HDX: variants seen among roughly 807,000 people sequenced by gnomAD.
HDX encodes the protein highly divergent homeobox, also known as chromosome X open reading frame 43.
HDX carries 19 observed loss-of-function variants against 45.2 expected under a neutral mutation model. The ratio of observed to expected loss-of-function variants is 0.42; its 90% CI spans 0.29 to 0.62. HDX has a LOEUF of 0.62. Among genes scored for constraint, HDX ranks in the 20% least tolerant of loss-of-function variants. HDX has a pLI of 0.20. For missense variants in HDX, 532 were observed against 493.9 expected (o/e 1.08, Z -0.73); for synonymous variants, 188 against 172.8 (o/e 1.09, Z -0.69).
intron 2 of HDX, 112 bp from the exon 3 acceptor site, chrX:84,475,509 T>C (rs2040529286): frequency 6.6e-6 from 3 of 453,033 alleles, no homozygotes; most frequent in Non-Finnish European, 1.1e-5. Context: ...TAAACTTCTG[T>C]AAGTGAATTA....
chrX:84,422,676 T>TG (rs1445962172), intron 5 of HDX, among the ~76,000 whole-genome samples: 1 of 90,292 alleles, frequency 1.1e-5, no homozygotes, highest in East Asian at 3.5e-4. Flanking sequence ...TTTTTTTTTT[T>TG]TTTTTTTTTT....
intron 4 of HDX, among the ~76,000 whole-genome samples, chrX:84,458,408 A>T (rs1318390720): frequency 8.9e-6 from 1 of 112,160 alleles, no homozygotes; most frequent in African/African-American, 3.2e-5. Context: ...ATGAACATTA[A>T]AACCGGTTGT....
chrX:84,394,568 G>A (rs1041084860), intron 5 of HDX, among the ~76,000 whole-genome samples: 2 of 111,520 alleles, frequency 1.8e-5, no homozygotes, highest in African/African-American at 6.5e-5. Flanking sequence ...TCTTATAGAT[G>A]ATTGGTTTAA....
chrX:84,400,865 A>G, intron 5 of HDX, among the ~76,000 whole-genome samples: 1 of 111,276 alleles, frequency 9.0e-6, no homozygotes, highest in Non-Finnish European at 1.9e-5. Context: ...ATATAGATCA[A>G]TGGAACAGAA....
intron 7 of HDX, among the ~76,000 whole-genome samples, chrX:84,343,124 G>T (rs1399047512): frequency 1.8e-5 from 2 of 110,927 alleles, no homozygotes; most frequent in African/African-American, 3.3e-5. Flanking sequence ...GTGGGAAGAG[G>T]GAGTGACTGC....
At chrX:84,481,137 A>G (rs1171982949) in intron 2 of HDX, among the ~76,000 whole-genome samples, 1 of 111,125 alleles carries the variant, frequency 9.0e-6, no homozygotes, top group East Asian at 2.8e-4. Context: ...TTAATAGTTC[A>G]TTGTTTATTA....
chrX:84,425,565 A>G (rs1360853303), intron 5 of HDX, among the ~76,000 whole-genome samples: 1 of 112,045 alleles, frequency 8.9e-6, no homozygotes, highest in Non-Finnish European at 1.9e-5. Context: ...GCATCTGTCC[A>G]TCAGAAAATG....
intron 4 of HDX, among the ~76,000 whole-genome samples, chrX:84,442,941 C>G (rs1362021775): frequency 2.7e-5 from 3 of 111,477 alleles, no homozygotes; most frequent in African/African-American, 9.7e-5. Flanking sequence ...TAAACACTGA[C>G]TATACATTTG....
chrX:84,456,256 C>T (rs1049157664), intron 4 of HDX, among the ~76,000 whole-genome samples: 6 of 111,092 alleles, frequency 5.4e-5, no homozygotes, highest in Non-Finnish European at 1.1e-4. Context: ...TAAAAAATAA[C>T]ATTTTTTATT....
rs192376279 is a variant in HDX at position 84,479,931 on chromosome X, A to T, written c.1-4534T>A. On this transcript the variant is annotated intron_variant, in intron 2 of 10. Coordinates refer to ENST00000373177, the MANE Select transcript of HDX (RefSeq NM_001177479.2). Reference sequence around the variant, plus strand: ...TATTATTGAGTATTGAGGGTTCCTTATATATTCTGGATACAAACCCTTCAT... The same window carrying T: ...TATTATTGAGTATTGAGGGTTCCTTTTATATTCTGGATACAAACCCTTCAT... Among the ~76,000 whole-genome samples, 25 of 110,844 alleles carry T rather than the reference A, an allele frequency of 2.3e-4. No homozygotes were observed. In the East Asian group the frequency reaches 6.8e-3, roughly 30 times the overall value.
chrX:84,474,005 C>T (rs962091580), intron 3 of HDX, among the ~76,000 whole-genome samples: 6 of 112,406 alleles, frequency 5.3e-5, no homozygotes, highest in African/African-American at 1.9e-4. Context: ...AAACAGATAT[C>T]CTGGGCCGGG....
chrX:84,399,592 A>C (rs1265630385), intron 5 of HDX, among the ~76,000 whole-genome samples: 5 of 111,727 alleles, frequency 4.5e-5, no homozygotes, highest in Non-Finnish European at 9.4e-5. Flanking sequence ...ACTAAAAAAA[A>C]GCCCAAGAGC....
At chrX:84,427,824 T>C (rs2039418490) in intron 5 of HDX, among the ~76,000 whole-genome samples, 1 of 111,155 alleles carries the variant, frequency 9.0e-6, no homozygotes, top group Admixed American at 9.6e-5. Context: ...TACATATCAG[T>C]AGAATAGCTG....
In HDX at chrX:84,475,362, T is replaced by G; in HGVS notation, c.36A>C (p.Gln12His). Residue 12 changes from glutamine (Q) to histidine (H), a missense_variant, in exon 3 of 11, where the codon CAA becomes CAC. Transcript: ENST00000373177. ...TTTCATAATAACGCTGTAAAATCCTTTGTTGTTCTACAGTAAATACAGAAC... is the reference window on the plus strand; with the variant it reads ...TTTCATAATAACGCTGTAAAATCCTGTGTTGTTCTACAGTAAATACAGAAC... ...NLRSVFTVEQQRILQRYYENG... is the reference protein window; with the variant it reads ...NLRSVFTVEQHRILQRYYENG... The G allele has an allele frequency of 8.7e-7, 1 of 1,151,454 alleles. No homozygotes were observed. Among genetic ancestry groups the G allele is most frequent in the Non-Finnish European group, 1.2e-6 (1 of 847,931 alleles). 94.9% of individuals were successfully genotyped at this position (1,151,454 alleles called of 1,213,427 possible). A position where few individuals can be genotyped will look rare whatever the true frequency, so the allele number is the denominator to read the frequency against.
At chrX:84,462,519 G>T (rs1488242831) in intron 4 of HDX, among the ~76,000 whole-genome samples, 1 of 111,125 alleles carries the variant, frequency 9.0e-6, no homozygotes, top group Non-Finnish European at 1.9e-5. Context: ...ACCAGAGGCT[G>T]GAAAGAGTAG....
intron 4 of HDX, among the ~76,000 whole-genome samples, chrX:84,457,674 G>A (rs1291084008): frequency 9.0e-6 from 1 of 111,306 alleles, no homozygotes; most frequent in Middle Eastern, 4.3e-3. Context: ...CAAGAAAATG[G>A]GGCATACTAG....
chrX:84,329,076 A>G (rs2036785012), intron 9 of HDX, among the ~76,000 whole-genome samples: 1 of 112,271 alleles, frequency 8.9e-6, no homozygotes, highest in Non-Finnish European at 1.9e-5. Context: ...AGTTATGATT[A>G]GGGGTTGTGG....
intron 5 of HDX, among the ~76,000 whole-genome samples, chrX:84,438,754 A>G (rs1401353727): frequency 9.0e-6 from 1 of 111,565 alleles, no homozygotes; most frequent in East Asian, 2.8e-4. Context: ...ATAGTATTTC[A>G]TGGTGTATAT....
At chrX:84,499,750 C>T (rs183517305) in intron 1 of HDX, among the ~76,000 whole-genome samples, 2 of 98,953 alleles carry the variant, frequency 2.0e-5, no homozygotes, top group East Asian at 6.1e-4. Flanking sequence ...TGTGAAAAAC[C>T]TCTGTATGAA....
Sources: gnomAD v4.1 joint callset for allele counts (sites outside exome capture counted in the v4.1 genomes callset) on GRCh38, gnomAD v4.1.1 for gene constraint, MANE v1.5 for transcripts, NCBI Gene and HGNC (gene_info 2026-07-23, HGNC 2026-07-21) for gene names.